FHIT: variants seen among roughly 807,000 people sequenced by gnomAD.
The protein encoded by FHIT is fragile histidine triad diadenosine triphosphatase.
Under a neutral mutation model 17.9 loss-of-function variants are expected in FHIT, and 19 were observed. The ratio of observed to expected loss-of-function variants is 1.06; its 90% CI spans 0.74 to 1.56. FHIT has a LOEUF of 1.56. Ranked by LOEUF, FHIT falls within the 40% of genes most tolerant of loss-of-function variation. FHIT has a pLI of 0.00. For missense variants in FHIT, 248 were observed against 189.2 expected, an observed-to-expected ratio of 1.31 and a Z score of -1.82; for synonymous variants, 81 against 69.7, an observed-to-expected ratio of 1.16 and a Z score of -0.81.
chr3:60,627,351 G>T (rs782579618), intron 4 of FHIT, among the ~76,000 whole-genome samples: 2 of 152,102 alleles, frequency 1.3e-5, no homozygotes, highest in Non-Finnish European at 2.9e-5. Context: ...TTTTACTTTT[G>T]ATGGGTTATT....
intron 9 of FHIT, chr3:59,750,863 C>T (rs569075336): frequency 4.9e-6 from 1 of 202,752 alleles, no homozygotes; most frequent in African/African-American, 2.3e-5. Flanking sequence ...AAATCATGAT[C>T]ACTAAGTGGT....
intron 5 of FHIT, among the ~76,000 whole-genome samples, chr3:60,415,636 T>G (rs1227686569): frequency 6.6e-6 from 1 of 151,880 alleles, no homozygotes; most frequent in East Asian, 1.9e-4. Context: ...TAAAGTCTTG[T>G]CCACTGATAT....
intron 5 of FHIT, among the ~76,000 whole-genome samples, chr3:60,412,606 T>G (rs562569078): frequency 1.2e-4 from 18 of 152,002 alleles, no homozygotes; most frequent in Non-Finnish European, 1.6e-4. Flanking sequence ...CTCACTTCAT[T>G]CCTCATAGCC....
intron 7 of FHIT, among the ~76,000 whole-genome samples, chr3:59,967,234 G>A (rs556380645): frequency 6.6e-5 from 10 of 151,950 alleles, no homozygotes; most frequent in South Asian, 4.2e-4. Flanking sequence ...TGCTTGAAGC[G>A]GTTTTAAAGT....
At chr3:60,333,488 G>C (rs1265337630) in intron 5 of FHIT, among the ~76,000 whole-genome samples, 1 of 143,916 alleles carries the variant, frequency 6.9e-6, no homozygotes, top group Non-Finnish European at 1.5e-5. Context: ...TTTTTTTTTT[G>C]AATTACAAAC....
At chr3:60,386,739 G>C (rs1320922270) in intron 5 of FHIT, among the ~76,000 whole-genome samples, 2 of 152,154 alleles carry the variant, frequency 1.3e-5, no homozygotes, top group Admixed American at 1.3e-4. Flanking sequence ...ACCTAACAAA[G>C]AAACCAACCT....
At chr3:60,851,031 T>C (rs782211500) in intron 3 of FHIT, among the ~76,000 whole-genome samples, 5 of 152,112 alleles carry the variant, frequency 3.3e-5, no homozygotes, top group Non-Finnish European at 7.4e-5. Context: ...AGCTCACATT[T>C]GCATTCCAGA....
At chr3:60,626,179 T>C (rs1335843820) in intron 4 of FHIT, among the ~76,000 whole-genome samples, 1 of 152,198 alleles carries the variant, frequency 6.6e-6, no homozygotes, top group Non-Finnish European at 1.5e-5. Context: ...CGCACTTTTT[T>C]TCAAGACTGT....
chr3:60,309,499 C>T (rs564912366), intron 5 of FHIT, among the ~76,000 whole-genome samples: 1 of 152,198 alleles, frequency 6.6e-6, no homozygotes, highest in South Asian at 2.1e-4. Context: ...TTGTTTAAGC[C>T]AAAAGCATAG....
intron 7 of FHIT, among the ~76,000 whole-genome samples, chr3:59,981,953 G>A (rs1181038286): frequency 1.6e-5 from 2 of 124,430 alleles, no homozygotes; most frequent in African/African-American, 5.8e-5. Flanking sequence ...TGCTGCCAGG[G>A]TCAGCAAAAA....
At position 60,305,131 on chromosome 3, in the gene FHIT, C is replaced by T. The variant is rs910004837; in HGVS notation, c.103+231729G>A. 2.6e-5 allele frequency among the ~76,000 whole-genome samples: 4 copies of T among 151,122 alleles called. 1 individual carries two copies. The highest frequency in any genetic ancestry group is 2.6e-4 in the Admixed American group (4 of 15,132). On this transcript the variant is annotated intron_variant, in intron 5 of 9. Transcript: ENST00000492590. ...AAAACACAGAATATTCCTTTTTGTT[C>T]TTTTTTTTTAAACTTTTATAACATG...
In FHIT at chr3:60,014,037, G is replaced by C; in HGVS notation, c.219C>G (p.Phe73Leu). 10 of 1,614,048 alleles carry C rather than the reference G, an allele frequency of 6.2e-6. No homozygotes were observed. Among genetic ancestry groups the C allele is most frequent in the Non-Finnish European group, 8.5e-6 (10 of 1,179,954 alleles). The change falls in exon 6 of 10, where the codon TTC becomes TTG. Residue 73 changes from phenylalanine to leucine, a missense_variant. Coordinates refer to ENST00000492590, the MANE Select transcript of FHIT (RefSeq NM_002012.4). The stretch of plus-strand genomic sequence containing the variant: ...TGGAAAAGGTGAGAGAGGTCCCATG[G>C]AAATGTTTTTCCACCACTGTCCCGA... ...QRVGTVVEKHFHGTSLTFSMQ... is the reference protein window; with the variant it reads ...QRVGTVVEKHLHGTSLTFSMQ...
chr3:60,177,997 G>A (rs1701756695), intron 5 of FHIT, among the ~76,000 whole-genome samples: 1 of 152,164 alleles, frequency 6.6e-6, no homozygotes, highest in South Asian at 2.1e-4. Context: ...GAGAGTCCTA[G>A]CTACGGGAAA....
chr3:60,731,805 A>G (rs1474270572), intron 4 of FHIT, among the ~76,000 whole-genome samples: 2 of 152,126 alleles, frequency 1.3e-5, no homozygotes, highest in African/African-American at 4.8e-5. Context: ...TGAGAGAACC[A>G]TCTTAACAAC....
chr3:60,255,807 A>G (rs993587312), intron 5 of FHIT, among the ~76,000 whole-genome samples: 2 of 152,014 alleles, frequency 1.3e-5, no homozygotes, highest in African/African-American at 4.8e-5. Context: ...GTGAGCCGAG[A>G]TTGTGCCACT....
chr3:59,768,635 G>C (rs776188039), intron 8 of FHIT, among the ~76,000 whole-genome samples: 1 of 148,694 alleles, frequency 6.7e-6, no homozygotes, highest in Non-Finnish European at 1.5e-5. Flanking sequence ...AATGTCATAT[G>C]GTTCAATCTA....
rs919350572 is a variant in FHIT, at chr3:60,476,407, G to A, written c.103+60453C>T. Among the ~76,000 whole-genome samples the A allele has an allele frequency of 1.8e-4, 27 of 152,250 alleles. 1 individual carries two copies. Among genetic ancestry groups the A allele is most frequent in the East Asian group, 1.2e-3 (6 of 5,174 alleles). On this transcript the variant is annotated intron_variant, in intron 5 of 9. Coordinates refer to ENST00000492590, the MANE Select transcript of FHIT (RefSeq NM_002012.4). ...GTTAAAACCAAATCCAGACATAAGA[G>A]AAACTTTATTTGAAAAAGTAACTGC...
Position 60,361,555 on chromosome 3 carries a change from G to A in FHIT, c.103+175305C>T, listed in dbSNP as rs537938785. Among the ~76,000 whole-genome samples the A allele has an allele frequency of 5.3e-5, 8 of 152,292 alleles. No homozygotes were observed. The East Asian group carries it at 1.5e-3, about 29-fold the overall frequency. On this transcript the variant is annotated intron_variant, in intron 5 of 9. Coordinates refer to ENST00000492590, the MANE Select transcript of FHIT (RefSeq NM_002012.4). The stretch of plus-strand genomic sequence containing the variant: ...GTAAACAAAGGATGGATTCTTCATA[G>A]AAGATGCAATGGCAACAGGTGACAA...
chr3:60,890,215 A>C (rs1553760331), intron 3 of FHIT, among the ~76,000 whole-genome samples: 1 of 84,836 alleles, frequency 1.2e-5, no homozygotes, highest in Non-Finnish European at 2.4e-5. Flanking sequence ...ATTAGCTTCC[A>C]TGATGTAAAA....
Sources: allele counts gnomAD v4.1 joint callset (sites outside exome capture counted in the v4.1 genomes callset), GRCh38; gene constraint gnomAD v4.1.1; transcripts MANE v1.5; gene names NCBI Gene and HGNC (gene_info 2026-07-23, HGNC 2026-07-21).